PRKD1: variants seen among roughly 807,000 people sequenced by gnomAD.
PRKD1 encodes the protein serine/threonine-protein kinase D1.
Under a neutral mutation model 95.9 loss-of-function variants are expected in PRKD1, and 63 were observed. That is an observed-to-expected ratio of 0.66 (90% CI 0.54 to 0.81). The LOEUF is 0.81. PRKD1 is among the 30% of genes least tolerant of loss of function. The pLI is 0.00. For missense variants in PRKD1, 1,048 were observed against 1,165.3 expected (o/e 0.90, Z 1.47); for synonymous variants, 425 against 423.1 (o/e 1.00, Z -0.05).
chr14:29,780,450 C>T (rs983853752), intron 1 of PRKD1, among the ~76,000 whole-genome samples: 3 of 152,052 alleles, frequency 2.0e-5, no homozygotes, highest in Non-Finnish European at 2.9e-5. Flanking sequence ...AAGAAAACAT[C>T]GAACAACCCC....
intron 1 of PRKD1, among the ~76,000 whole-genome samples, chr14:29,784,682 TGC>T (rs1889189821): frequency 6.6e-6 from 1 of 152,192 alleles, no homozygotes; most frequent in Non-Finnish European, 1.5e-5. Flanking sequence ...ATACAAAAGT[TGC>T]CTGTGGTCTG....
At chr14:29,754,400 CCTT>C (rs1887607608) in intron 1 of PRKD1, among the ~76,000 whole-genome samples, 2 of 152,068 alleles carry the variant, frequency 1.3e-5, no homozygotes. Flanking sequence ...TTTAATATGG[CCTT>C]CTTCCAACTT....
At chr14:29,843,109 C>T (rs2139321037) in intron 1 of PRKD1, among the ~76,000 whole-genome samples, 2 of 152,262 alleles carry the variant, frequency 1.3e-5, no homozygotes, top group Admixed American at 1.3e-4. Flanking sequence ...TATTTGGAGG[C>T]AGGGCCCTTA....
At chr14:29,815,787 T>G (rs1191007768) in intron 1 of PRKD1, among the ~76,000 whole-genome samples, 1 of 152,174 alleles carries the variant, frequency 6.6e-6, no homozygotes, top group East Asian at 1.9e-4. Flanking sequence ...CTACAGAAAT[T>G]ATAATGGCAT....
chr14:29,677,839 A>C (rs944618972), intron 2 of PRKD1, among the ~76,000 whole-genome samples: 2 of 152,226 alleles, frequency 1.3e-5, no homozygotes, highest in African/African-American at 4.8e-5. Context: ...TGCTGGGATT[A>C]CAGGCTTGTG....
intron 13 of PRKD1, among the ~76,000 whole-genome samples, chr14:29,603,115 A>C (rs981357847): frequency 3.0e-4 from 45 of 152,224 alleles, no homozygotes; most frequent in Non-Finnish European, 5.9e-5. Flanking sequence ...AACTGATAAA[A>C]AGAAGTCTTA....
chr14:29,659,854 A>G (rs986893134), intron 4 of PRKD1, among the ~76,000 whole-genome samples: 22 of 152,098 alleles, frequency 1.4e-4, no homozygotes, highest in African/African-American at 3.9e-4. Context: ...ATGAGTTTTT[A>G]TATGATATAT....
rs895709764 is a variant in PRKD1 at position 29,927,402 on chromosome 14, C to A, written c.111G>T (p.Pro37=). Residue 37 remains proline, a synonymous_variant, in exon 1 of 18, where the codon CCG becomes CCT. Transcript: ENST00000331968. Reference sequence around the variant, plus strand: ...CCGGGGCCGCGACAGGAGCCAAGAACGGCGCGGGCCCGGGCCCGGACCCTG... The same window carrying A: ...CCGGGGCCGCGACAGGAGCCAAGAAAGGCGCGGGCCCGGGCCCGGACCCTG... The part of the protein sequence containing the change: ...LVPGSGPGPA[P]FLAPVAAPVG... 2.0e-6 allele frequency: 3 copies of A among 1,523,680 alleles called. No homozygotes were observed. The highest frequency in any genetic ancestry group is 4.1e-5 in the Admixed American group (2 of 49,048). 94.4% of individuals were successfully genotyped at this position (1,523,680 alleles called of 1,614,324 possible). A position where few individuals can be genotyped will look rare whatever the true frequency, so the allele number is the denominator to read the frequency against.
At chr14:29,594,974 A>G (rs1893249723) in intron 16 of PRKD1, among the ~76,000 whole-genome samples, 1 of 150,344 alleles carries the variant, frequency 6.7e-6, no homozygotes, top group African/African-American at 2.5e-5. Flanking sequence ...TTCTGTTCAT[A>G]CATCAGCAGC....
At chr14:29,677,387 A>G (rs1883292534) in intron 2 of PRKD1, among the ~76,000 whole-genome samples, 1 of 152,208 alleles carries the variant, frequency 6.6e-6, no homozygotes, top group Non-Finnish European at 1.5e-5. Flanking sequence ...TCTGGAGAAC[A>G]ATTTAGATCA....
intron 1 of PRKD1, among the ~76,000 whole-genome samples, chr14:29,733,271 T>G (rs1886544966): frequency 6.6e-6 from 1 of 151,562 alleles, no homozygotes; most frequent in East Asian, 1.9e-4. Context: ...CCTGGCTAAT[T>G]TTTTGTATTT....
intron 2 of PRKD1, among the ~76,000 whole-genome samples, chr14:29,667,228 A>AT (rs1737335547): frequency 6.6e-6 from 1 of 152,142 alleles, no homozygotes; most frequent in Non-Finnish European, 1.5e-5. Context: ...TGACATCTCA[A>AT]TAAGCACGAG....
chr14:29,624,574 T>A (rs1331700398), intron 12 of PRKD1, among the ~76,000 whole-genome samples: 1 of 152,104 alleles, frequency 6.6e-6, no homozygotes. Context: ...TAGAAAATAT[T>A]TGTATCACCA....
chr14:29,598,670 T>C lies in PRKD1; in HGVS notation c.2166+357A>G, dbSNP rs147986123. ...GATAGCTGGTTTCCCACTCTCTAAG[T>C]TGAGGAAAGGAAAAAAGTTTTGCCC... is the stretch of plus-strand genomic sequence containing the variant. On this transcript the variant is annotated intron_variant, in intron 15 of 17. Coordinates refer to ENST00000331968, the MANE Select transcript of PRKD1 (RefSeq NM_002742.3). Among the ~76,000 whole-genome samples the C allele has an allele frequency of 3.9e-5, 6 of 152,268 alleles. No individual in the cohort carries two copies. In the East Asian group the frequency reaches 1.2e-3, roughly 29 times the overall value.
chr14:29,663,644 A>G, intron 4 of PRKD1, 55 bp downstream of exon 4: 1 of 1,581,518 alleles, frequency 6.3e-7, no homozygotes, highest in Non-Finnish European at 8.7e-7. Context: ...TTGCTATCAC[A>G]TCACCCCACA....
intron 1 of PRKD1, among the ~76,000 whole-genome samples, chr14:29,918,118 C>G (rs1894956099): frequency 6.6e-6 from 1 of 152,032 alleles, no homozygotes; most frequent in Admixed American, 6.6e-5. Context: ...TCTCACCACA[C>G]ACACAAGAAA....
intron 1 of PRKD1, among the ~76,000 whole-genome samples, chr14:29,764,222 A>G (rs1594495911): frequency 6.6e-6 from 1 of 152,268 alleles, no homozygotes; most frequent in East Asian, 1.9e-4. Context: ...CCATGGAAGA[A>G]CTGCCAATTT....
chr14:29,801,085 T>C (rs932395898), intron 1 of PRKD1, among the ~76,000 whole-genome samples: 1 of 151,042 alleles, frequency 6.6e-6, no homozygotes, highest in East Asian at 1.9e-4. Flanking sequence ...GTGTGTGTGT[T>C]TGTGTGTGTG....
chr14:29,865,141 A>G (rs1892845605), intron 1 of PRKD1, among the ~76,000 whole-genome samples: 1 of 152,208 alleles, frequency 6.6e-6, no homozygotes, highest in Non-Finnish European at 1.5e-5. Flanking sequence ...AATATGCAAG[A>G]TGCAATGGAC....
Sources: allele counts gnomAD v4.1 joint callset (sites outside exome capture counted in the v4.1 genomes callset), GRCh38; gene constraint gnomAD v4.1.1; transcripts MANE v1.5; gene names NCBI Gene and HGNC (gene_info 2026-07-23, HGNC 2026-07-21).